Variants in RAE1 observed in about 807,000 individuals in gnomAD.
RAE1 encodes ribonucleic acid export 1.
A neutral mutation model predicts 52.7 loss-of-function variants in RAE1; 13 were observed. That is an observed-to-expected ratio of 0.25 (90% CI 0.16 to 0.39). The LOEUF is 0.39. Among genes scored for constraint, RAE1 ranks in the 10% least tolerant of loss-of-function variants. RAE1 has a pLI of 1.00. For missense variants in RAE1, 262 were observed against 459.8 expected (o/e 0.57, Z 3.93); for synonymous variants, 164 against 153.1 (o/e 1.07, Z -0.52).
At chr20:57,370,490 T>C (rs543501739) in intron 8 of RAE1, among the ~76,000 whole-genome samples, 1 of 152,308 alleles carries the variant, frequency 6.6e-6, no homozygotes, top group South Asian at 2.1e-4. Context: ...TCCCATCCAC[T>C]GTCGCTCAGC....
intron 1 of RAE1, 57 bp downstream of exon 1, chr20:57,351,479 G>T (rs998512727): frequency 1.4e-4 from 142 of 985,460 alleles, no homozygotes; most frequent in Middle Eastern, 5.2e-4. Context: ...TCCCGCAGAG[G>T]CCGAGTTGCC....
intron 3 of RAE1, 77 bp from the exon 4 acceptor site, chr20:57,356,369 C>G (rs941487291): frequency 8.1e-6 from 9 of 1,107,964 alleles, no homozygotes; most frequent in Middle Eastern, 2.3e-4. Flanking sequence ...AAGGTGTACC[C>G]CATTAGTTTT....
chr20:57,354,007 C>G lies in RAE1; in HGVS notation c.-7-25C>G, dbSNP rs374257156. 8 of 1,591,110 alleles carry G rather than the reference C, an allele frequency of 5.0e-6. No individual in the cohort carries two copies. The African/African-American group carries it at 1.1e-4, about 21-fold the overall frequency. Reference sequence around the variant, plus strand: ...CAGTGATATTAAGAGAAAACCCATCCTTAACATTTTTCATTACTTTTTAGG... The same window carrying G: ...CAGTGATATTAAGAGAAAACCCATCGTTAACATTTTTCATTACTTTTTAGG... On this transcript the variant is annotated intron_variant, in intron 1 of 11. Coordinates refer to ENST00000395841, the MANE Select transcript of RAE1 (RefSeq NM_003610.4).
intron 1 of RAE1, 114 bp downstream of exon 1, chr20:57,351,536 T>G (rs574423344): frequency 3.0e-6 from 3 of 985,454 alleles, no homozygotes; most frequent in Non-Finnish European, 3.6e-6. Flanking sequence ...AGCGGGACTG[T>G]TGACTAAGCT....
rs1349875839 is a variant in RAE1 at position 57,374,752 on chromosome 20, A to G, written c.971A>G (p.Asn324Ser). The change falls in exon 11 of 12, where the codon AAT (asparagine) becomes AGT (serine). Residue 324 changes from asparagine to serine, a missense_variant. Transcript: ENST00000395841. Reference sequence around the variant, plus strand: ...CAGCCCATCTCAGCTTGCTGTTTCAATCACAATGGAAACATATTTGCATAC... The same window carrying G: ...CAGCCCATCTCAGCTTGCTGTTTCAGTCACAATGGAAACATATTTGCATAC... ...LDQPISACCFNHNGNIFAYAS... is the reference protein window; with the variant it reads ...LDQPISACCFSHNGNIFAYAS... The G allele has an allele frequency of 1.9e-6, 3 of 1,614,226 alleles. No individual in the cohort carries two copies. The highest frequency in any genetic ancestry group is 2.2e-5 in the South Asian group (2 of 91,090).
At chr20:57,371,838 G>C (rs78496163) in intron 8 of RAE1, 5 of 152,194 alleles carry the variant, frequency 3.3e-5, no homozygotes, top group South Asian at 2.1e-4. Flanking sequence ...GATGCTGTGC[G>C]TGCAGCCTGA....
intron 8 of RAE1, among the ~76,000 whole-genome samples, chr20:57,369,277 G>C (rs1466546243): frequency 6.6e-6 from 1 of 152,238 alleles, no homozygotes; most frequent in Non-Finnish European, 1.5e-5. Context: ...ATGGTAAATT[G>C]GGTTCTCGTG....
intron 4 of RAE1, among the ~76,000 whole-genome samples, chr20:57,364,838 G>C (rs1279086840): frequency 6.6e-6 from 1 of 152,188 alleles, no homozygotes; most frequent in Non-Finnish European, 1.5e-5. Flanking sequence ...TAGCTTTATT[G>C]CATGTACTTG....
chr20:57,371,036 C>T (rs151157757), intron 8 of RAE1: 2 of 152,298 alleles, frequency 1.3e-5, no homozygotes, highest in African/African-American at 4.8e-5. Flanking sequence ...TCCTCAGTCT[C>T]CTCCCCTCTA....
At chr20:57,363,652 G>A (rs180710571) in intron 4 of RAE1, among the ~76,000 whole-genome samples, 1 of 152,312 alleles carries the variant, frequency 6.6e-6, no homozygotes, top group East Asian at 1.9e-4. Flanking sequence ...CTGAGCAATA[G>A]AGCAAGACCG....
At chr20:57,366,987 G>A in intron 6 of RAE1, 21 bp from the exon 7 acceptor site, 1 of 1,600,438 alleles carries the variant, frequency 6.2e-7, no homozygotes, top group South Asian at 1.1e-5. Context: ...TCACATACTG[G>A]CTTCTCTTTT....
chr20:57,366,943 A>G, intron 6 of RAE1, 50 bp downstream of exon 6: 1 of 1,587,310 alleles, frequency 6.3e-7, no homozygotes, highest in Non-Finnish European at 8.7e-7. Context: ...ATTGTCATTT[A>G]TTTTTGCACC....
intron 1 of RAE1, 91 bp downstream of exon 1, chr20:57,351,513 A>C (rs1466542232): frequency 1.0e-6 from 1 of 985,288 alleles, no homozygotes; most frequent in African/African-American, 1.7e-5. Context: ...CTTCTGCGGG[A>C]TGCTGGGGCG....
intron 10 of RAE1, 77 bp downstream of exon 10, chr20:57,373,815 A>G: frequency 7.0e-7 from 1 of 1,428,854 alleles, no homozygotes; most frequent in Non-Finnish European, 9.9e-7. Flanking sequence ...TTGTGGGATC[A>G]GAAAAGACTC....
chr20:57,359,856 C>T (rs1471455174), intron 4 of RAE1: 2 of 152,222 alleles, frequency 1.3e-5, no homozygotes, highest in African/African-American at 2.4e-5. Context: ...TTTCATCCTT[C>T]CCTTACAGTA....
chr20:57,375,263 C>A (rs1048684115), intron 11 of RAE1, among the ~76,000 whole-genome samples: 1 of 125,264 alleles, frequency 8.0e-6, no homozygotes, highest in Non-Finnish European at 1.8e-5. Context: ...TGCCCAACCC[C>A]ATGGGAAGTG....
chr20:57,369,884 C>T (rs542510088), intron 8 of RAE1, among the ~76,000 whole-genome samples: 1 of 152,320 alleles, frequency 6.6e-6, no homozygotes, highest in African/African-American at 2.4e-5. Context: ...CCGTGCTTGC[C>T]TCCTCCCCTG....
At chr20:57,373,360 G>T in intron 8 of RAE1, 115 bp from the exon 9 acceptor site, 1 of 959,446 alleles carries the variant, frequency 1.0e-6, no homozygotes, top group African/African-American at 1.6e-5. Flanking sequence ...ATATTTGAGT[G>T]ATTTTTTCTG....
intron 7 of RAE1, 111 bp downstream of exon 7, chr20:57,367,190 C>A: frequency 1.1e-6 from 1 of 943,528 alleles, no homozygotes; most frequent in Non-Finnish European, 1.6e-6. Flanking sequence ...ATCCTGCTAG[C>A]TTTAGTAATA....
Sources: gnomAD v4.1 joint callset for allele counts (sites outside exome capture counted in the v4.1 genomes callset) on GRCh38, gnomAD v4.1.1 for gene constraint, MANE v1.5 for transcripts, NCBI Gene and HGNC (gene_info 2026-07-23, HGNC 2026-07-21) for gene names.